KLHL24: variants seen among roughly 807,000 people sequenced by gnomAD.
KLHL24 encodes the protein kelch-like protein 24.
In KLHL24, 29 loss-of-function variants were observed where a neutral mutation model predicts 53.4. The observed-to-expected ratio is 0.54, with a 90% CI of 0.40 to 0.74. The LOEUF (loss-of-function observed/expected upper bound fraction) is 0.74, where lower values mean the gene tolerates loss of function less well. Ranked by LOEUF, KLHL24 falls within the 30% of genes least tolerant of loss-of-function variation. KLHL24 has a pLI of 0.00. For missense variants in KLHL24, 504 were observed against 744.0 expected (o/e 0.68, Z 3.75); for synonymous variants, 222 against 253.7 (o/e 0.88, Z 1.19).
intron 3 of KLHL24, among the ~76,000 whole-genome samples, chr3:183,658,071 G>C (rs982683227): frequency 2.0e-5 from 3 of 152,006 alleles, no homozygotes; most frequent in African/African-American, 7.3e-5. Flanking sequence ...AAATTAGCTG[G>C]GTGTGGTGGT....
chr3:183,669,007 C>T (rs1023111017), intron 5 of KLHL24, among the ~76,000 whole-genome samples: 1 of 152,010 alleles, frequency 6.6e-6, no homozygotes, highest in Non-Finnish European at 1.5e-5. Flanking sequence ...CAAGTCACTT[C>T]CCAAGATTAC....
rs759676380 is a variant in KLHL24, at chr3:183,679,346, T to C, written c.*60T>C. ...CCAAGATGGGAGGTTTTAAAAACTCTACAGTGGGAACTTCACATATCTCCT... is the reference window on the plus strand; with the variant it reads ...CCAAGATGGGAGGTTTTAAAAACTCCACAGTGGGAACTTCACATATCTCCT... On this transcript the variant is annotated 3_prime_UTR_variant, in exon 8 of 8. Transcript: ENST00000242810. 523 of 1,281,370 alleles carry C rather than the reference T, an allele frequency of 4.1e-4. No homozygotes were observed. The highest frequency in any genetic ancestry group is 1.1e-4 in the Non-Finnish European group (94 of 889,352). The allele number at this position is 1,281,370 out of a possible 1,614,324, so 79.4% of individuals were successfully genotyped here. A position where few individuals can be genotyped will look rare whatever the true frequency, so the allele number is the denominator to read the frequency against.
At chr3:183,645,429 T>A (rs1319522417) in intron 2 of KLHL24, among the ~76,000 whole-genome samples, 1 of 152,198 alleles carries the variant, frequency 6.6e-6, no homozygotes, top group African/African-American at 2.4e-5. Context: ...TTCTATGCAT[T>A]GTAAATGGAG....
intron 5 of KLHL24, among the ~76,000 whole-genome samples, chr3:183,667,136 T>C (rs1720680259): frequency 6.6e-6 from 1 of 152,178 alleles, no homozygotes; most frequent in African/African-American, 2.4e-5. Flanking sequence ...ACTTCTATAC[T>C]AGGCCAGTCG....
Position 183,649,977 on chromosome 3 carries a change from TAACTC to T in KLHL24, c.-61-318_-61-314del, listed in dbSNP as rs527934824. On this transcript the variant is annotated intron_variant, in intron 2 of 7. Coordinates refer to ENST00000242810, the MANE Select transcript of KLHL24 (RefSeq NM_017644.3). ...AATTGTGTCTTACACCATTCTGACT[TAACTC>T]TACAGTCAATAGTATGAAACTCAGC... 2.2e-3 allele frequency among the ~76,000 whole-genome samples: 328 copies of T among 152,310 alleles called. 1 individual carries two copies. The highest frequency in any genetic ancestry group is 4.3e-3 in the Admixed American group (65 of 15,294).
In KLHL24 at chr3:183,663,196, T is replaced by A. The variant is rs12696507; in HGVS notation, c.921-262T>A. Among the ~76,000 whole-genome samples, 50,797 of 151,814 alleles carry A rather than the reference T, an allele frequency of 0.33. 9,346 individuals are homozygous for A. Among genetic ancestry groups the A allele is most frequent in the African/African-American group, 0.49 (20,186 of 41,324 alleles). The stretch of plus-strand genomic sequence containing the variant: ...ATTGGGTTAGATAGGATCTTTGGAC[T>A]TTTTTACAATTTTCAGGTCAAAACC... On this transcript the variant is annotated intron_variant, in intron 3 of 7. Transcript: ENST00000242810. The surrounding 1 kb of genome is among the most constrained non-coding windows in gnomAD (Gnocchi z 4.9).
Position 183,672,544 on chromosome 3 carries a change from A to G in KLHL24, c.1602+60A>G, listed in dbSNP as rs552161872. On this transcript the variant is annotated intron_variant, in intron 7 of 7. Coordinates refer to ENST00000242810, the MANE Select transcript of KLHL24 (RefSeq NM_017644.3). ...TCTAAGAGGGACCAAGTACATAATC[A>G]TTATTAATACACTGGAATTTCAATT... 3.3e-5 allele frequency: 40 copies of G among 1,199,748 alleles called. No homozygotes were observed. The South Asian group carries it at 5.6e-4, about 17-fold the overall frequency. 74.3% of individuals were successfully genotyped at this position (1,199,748 alleles called of 1,614,324 possible).
rs772699283 is a variant in KLHL24, at chr3:183,681,379, TAAAA to T, written c.*2097_*2100del. The T allele has an allele frequency of 2.6e-5, 4 of 152,290 alleles. No homozygotes were observed. The highest frequency in any genetic ancestry group is 2.6e-4 in the Admixed American group (4 of 15,276). 9.4% of individuals were successfully genotyped at this position (152,290 alleles called of 1,614,324 possible). On this transcript the variant is annotated 3_prime_UTR_variant, in exon 8 of 8. Transcript: ENST00000242810. ...CATTTCATGAATATAGGACTTCACA[TAAAA>T]AAAGACTTTCTCAAGACAACTTTAT...
Position 183,681,219 on chromosome 3 carries a change from CTT to C in KLHL24, c.*1934_*1935del, listed in dbSNP as rs1356249169. On this transcript the variant is annotated 3_prime_UTR_variant, in exon 8 of 8. Coordinates refer to ENST00000242810, the MANE Select transcript of KLHL24 (RefSeq NM_017644.3). ...TTAGAGTAAACATCTGCATTATACT[CTT>C]ATAGATAATAGAATTATTTAGTTAA... 2.6e-5 allele frequency: 4 copies of C among 152,008 alleles called. No homozygotes were observed. The highest frequency in any genetic ancestry group is 2.1e-4 in the South Asian group (1 of 4,814). 9.4% of individuals were successfully genotyped at this position (152,008 alleles called of 1,614,324 possible).
At chr3:183,675,057 A>G (rs1208936439) in intron 7 of KLHL24, among the ~76,000 whole-genome samples, 1 of 152,094 alleles carries the variant, frequency 6.6e-6, no homozygotes, top group Non-Finnish European at 1.5e-5. Context: ...ATAAATGTTT[A>G]TTTCCTATAC....
Position 183,642,835 on chromosome 3 carries a change from G to GTGTA in KLHL24, c.-124-641_-124-638dup, listed in dbSNP as rs1307307313. On this transcript the variant is annotated intron_variant, in intron 1 of 7. Coordinates refer to ENST00000242810, the MANE Select transcript of KLHL24 (RefSeq NM_017644.3). Reference sequence around the variant, plus strand: ...CCAAAGTGTATTCAAATATCACAGAGTGTATGTTTTTTCAGTGCTACCATT... The same window carrying GTGTA: ...CCAAAGTGTATTCAAATATCACAGAGTGTATGTATGTTTTTTCAGTGCTACCATT... The GTGTA allele has an allele frequency of 2.0e-5, 3 of 151,500 alleles. No individual in the cohort carries two copies. The East Asian group carries it at 5.8e-4, about 29-fold the overall frequency. 9.4% of individuals were successfully genotyped at this position (151,500 alleles called of 1,614,324 possible).
rs895819097 is a variant in KLHL24, at chr3:183,679,167, A to G, written c.1684A>G (p.Ile562Val). 1.9e-5 allele frequency: 31 copies of G among 1,613,858 alleles called. No homozygotes were observed. The highest frequency in any genetic ancestry group is 4.5e-5 in the East Asian group (2 of 44,892). ...GGAAAATGGAGAAGCCACAGACACTATTCTCTGTTATGATCCTGCAACAAG... is the reference window on the plus strand; with the variant it reads ...GGAAAATGGAGAAGCCACAGACACTGTTCTCTGTTATGATCCTGCAACAAG... ...RRENGEATDTILCYDPATSII... is the reference protein window; with the variant it reads ...RRENGEATDTVLCYDPATSII... The change falls in exon 8 of 8, where the codon ATT becomes GTT. Residue 562 changes from isoleucine (I) to valine (V), a missense_variant. By Grantham distance (29) the Ile-to-Val change is conservative. Coordinates refer to ENST00000242810, the MANE Select transcript of KLHL24 (RefSeq NM_017644.3).
chr3:183,668,387 A>G (rs183947929), intron 5 of KLHL24, among the ~76,000 whole-genome samples: 10 of 152,320 alleles, frequency 6.6e-5, no homozygotes, highest in Admixed American at 6.5e-4. Context: ...TAGAAGCACT[A>G]AATCAATAAA....
rs1243564161 is a variant in KLHL24, at chr3:183,635,675, G to A, written c.-243G>A. ...CTGGAGGAGACGCCGGCGCTGGAGAGTGCGCTGCGCCGCCCGCCGCTGAGG... is the reference window on the plus strand; with the variant it reads ...CTGGAGGAGACGCCGGCGCTGGAGAATGCGCTGCGCCGCCCGCCGCTGAGG... On this transcript the variant is annotated 5_prime_UTR_variant, in exon 1 of 8. The change creates a new upstream start codon in the 5' untranslated region. Transcript: ENST00000242810. The A allele has an allele frequency of 1.3e-5, 2 of 152,910 alleles. No individual in the cohort carries two copies. The highest frequency in any genetic ancestry group is 4.8e-5 in the African/African-American group (2 of 41,474). 9.5% of individuals were successfully genotyped at this position (152,910 alleles called of 1,614,324 possible). A position where few individuals can be genotyped will look rare whatever the true frequency, so the allele number is the denominator to read the frequency against.
chr3:183,642,795 A>G (rs1319622447), intron 1 of KLHL24: 1 of 148,292 alleles, frequency 6.7e-6, no homozygotes. Flanking sequence ...CAATTTCCAG[A>G]CACTCTTCAA....
Position 183,681,940 on chromosome 3 carries a change from CACAT to C in KLHL24, c.*2656_*2659del, listed in dbSNP as rs780664458. The C allele has an allele frequency of 1.3e-5, 2 of 152,200 alleles. No individual in the cohort carries two copies. Among genetic ancestry groups the C allele is most frequent in the Non-Finnish European group, 2.9e-5 (2 of 67,938 alleles). 9.4% of individuals were successfully genotyped at this position (152,200 alleles called of 1,614,324 possible). Reference sequence around the variant, plus strand: ...TATGTAGATAGTATGGTTGTATACACACATATATACCAAACACCATGAATTTTAG... The same window carrying C: ...TATGTAGATAGTATGGTTGTATACACATATACCAAACACCATGAATTTTAG... On this transcript the variant is annotated 3_prime_UTR_variant, in exon 8 of 8. Transcript: ENST00000242810.
intron 3 of KLHL24, among the ~76,000 whole-genome samples, chr3:183,653,708 G>T (rs992110123): frequency 6.6e-6 from 1 of 152,188 alleles, no homozygotes; most frequent in Non-Finnish European, 1.5e-5. Context: ...TATGGGGAGA[G>T]AATTTTAGGG....
At chr3:183,640,607 T>TC (rs1716256512) in intron 1 of KLHL24, among the ~76,000 whole-genome samples, 4 of 67,650 alleles carry the variant, frequency 5.9e-5, no homozygotes, top group African/African-American at 3.8e-4. Flanking sequence ...TTTCTTTTTT[T>TC]TTTTTTTTTT....
intron 2 of KLHL24, among the ~76,000 whole-genome samples, chr3:183,648,991 A>G (rs1717727699): frequency 1.4e-5 from 2 of 138,484 alleles, no homozygotes; most frequent in African/African-American, 6.5e-5. Flanking sequence ...TGACAGAATG[A>G]GACCTTGTTT....
Sources: gnomAD v4.1 joint callset for allele counts (sites outside exome capture counted in the v4.1 genomes callset) on GRCh38, gnomAD v4.1.1 for gene constraint, Gnocchi (gnomAD v3.1) non-coding constraint, MANE v1.5 for transcripts, NCBI Gene and HGNC (gene_info 2026-07-23, HGNC 2026-07-21) for gene names.